The following ANKS1B variants were observed in gnomAD, a reference collection of about 807,000 sequenced individuals.
ANKS1B encodes the protein ankyrin repeat and sterile alpha motif domain containing 1B, also known as ankyrin repeat and sterile alpha motif domain-containing protein 1B.
In ANKS1B, 36 loss-of-function variants were observed where a neutral mutation model predicts 148.3. That is an observed-to-expected ratio of 0.24 (90% CI 0.19 to 0.32). The LOEUF is 0.32. Among genes scored for constraint, ANKS1B ranks in the 10% least tolerant of loss-of-function variants. The pLI is 1.00. For missense variants in ANKS1B, 1,157 were observed against 1,542.6 expected (o/e 0.75, Z 4.19); for synonymous variants, 542 against 560.8 (o/e 0.97, Z 0.47).
rs2097844726 is a variant in ANKS1B, at chr12:98,744,692, GTATT to G, written c.*1043_*1046del. On this transcript the variant is annotated 3_prime_UTR_variant, in exon 27 of 27. Coordinates refer to ENST00000683438, the MANE Select transcript of ANKS1B (RefSeq NM_001352186.2). ...TTGGAATTTCTTCTTTTTTTTTTTT[GTATT>G]TATTTTTTCTAGAAAAAGAAATTTT... 2.4e-6 allele frequency: 2 copies of G among 826,828 alleles called. No individual in the cohort carries two copies. Among genetic ancestry groups the G allele is most frequent in the African/African-American group, 4.4e-5 (2 of 45,242 alleles). The allele number at this position is 826,828 out of a possible 1,614,324, so 51.2% of individuals were successfully genotyped here. A position where few individuals can be genotyped will look rare whatever the true frequency, so the allele number is the denominator to read the frequency against.
At chr12:98,986,111 C>G (rs1259658082) in intron 17 of ANKS1B, among the ~76,000 whole-genome samples, 1 of 151,728 alleles carries the variant, frequency 6.6e-6, no homozygotes, top group East Asian at 1.9e-4. Context: ...TTTTGTTGTT[C>G]TGTGTATAAT....
At chr12:98,789,846 ATAT>A (rs1176091824) in intron 22 of ANKS1B, among the ~76,000 whole-genome samples, 3 of 152,204 alleles carry the variant, frequency 2.0e-5, no homozygotes, top group African/African-American at 7.2e-5. Flanking sequence ...ATTTCAAAAT[ATAT>A]TATTGTGTTT....
chr12:98,936,575 C>T (rs1011526002), intron 17 of ANKS1B, among the ~76,000 whole-genome samples: 2 of 151,900 alleles, frequency 1.3e-5, no homozygotes, highest in East Asian at 1.9e-4. Flanking sequence ...TGCAGTGAGC[C>T]GAGATCGCAC....
intron 9 of ANKS1B, among the ~76,000 whole-genome samples, chr12:99,530,121 G>C (rs572924151): frequency 6.6e-6 from 1 of 152,202 alleles, no homozygotes; most frequent in African/African-American, 2.4e-5. Flanking sequence ...AGAAAAGCTT[G>C]TCCAGATTTG....
intron 12 of ANKS1B, among the ~76,000 whole-genome samples, chr12:99,313,122 C>G (rs1422134074): frequency 6.6e-6 from 1 of 152,100 alleles, no homozygotes. Context: ...ATACAAGCTA[C>G]TATCAGAGAA....
chr12:99,774,365 C>G (rs1182908035), intron 7 of ANKS1B, among the ~76,000 whole-genome samples: 1 of 151,922 alleles, frequency 6.6e-6, no homozygotes, highest in Non-Finnish European at 1.5e-5. Context: ...ATAAATGACC[C>G]AAGGTATATG....
At chr12:99,402,290 T>A (rs1358655110) in intron 11 of ANKS1B, among the ~76,000 whole-genome samples, 2 of 146,120 alleles carry the variant, frequency 1.4e-5, no homozygotes, top group African/African-American at 5.2e-5. Context: ...CTAATTAGTT[T>A]TATGAGATGT....
chr12:99,072,208 G>A (rs2153590590), intron 16 of ANKS1B, among the ~76,000 whole-genome samples: 1 of 152,164 alleles, frequency 6.6e-6, no homozygotes, highest in South Asian at 2.1e-4. Context: ...GTCAGTAATT[G>A]AGTTCTTTTC....
intron 9 of ANKS1B, among the ~76,000 whole-genome samples, chr12:99,607,554 A>G (rs1054656232): frequency 6.6e-6 from 1 of 152,066 alleles, no homozygotes; most frequent in African/African-American, 2.4e-5. Context: ...ATAATCATAC[A>G]GAAAGAAGCA....
At chr12:99,869,610 G>C (rs1440119162) in intron 1 of ANKS1B, among the ~76,000 whole-genome samples, 1 of 151,958 alleles carries the variant, frequency 6.6e-6, no homozygotes, top group Admixed American at 6.6e-5. Context: ...GAACCCGAGA[G>C]GCAAAGGTTG....
intron 1 of ANKS1B, among the ~76,000 whole-genome samples, chr12:99,968,695 G>A (rs372812670): frequency 2.6e-5 from 4 of 152,260 alleles, no homozygotes; most frequent in South Asian, 2.1e-4. Context: ...ATCTCATACC[G>A]AAATGTGGTT....
intron 21 of ANKS1B, among the ~76,000 whole-genome samples, chr12:98,800,202 C>G (rs188274681): frequency 8.1e-5 from 8 of 98,408 alleles, no homozygotes; most frequent in Non-Finnish European, 1.6e-4. Flanking sequence ...AAAAGAGGGG[C>G]AGAAAGCAGA....
At chr12:99,598,698 C>T (rs563465935) in intron 9 of ANKS1B, among the ~76,000 whole-genome samples, 5 of 152,100 alleles carry the variant, frequency 3.3e-5, no homozygotes, top group Admixed American at 3.3e-4. Flanking sequence ...CAAGAATTTT[C>T]CAGACAGAGA....
rs1363278273 is a variant in ANKS1B, at chr12:99,426,332, T to A, written c.1575+17341A>T. On this transcript the variant is annotated intron_variant, in intron 11 of 26. Transcript: ENST00000683438. The stretch of plus-strand genomic sequence containing the variant: ...GTTTGTGTTGATATCTCTGTTTTTT[T>A]AAATGGAAATTAATAGAAGATATAA... Among the ~76,000 whole-genome samples, 4 of 152,182 alleles carry A rather than the reference T, an allele frequency of 2.6e-5. No homozygotes were observed. The East Asian group carries it at 5.8e-4, about 22-fold the overall frequency.
intron 19 of ANKS1B, among the ~76,000 whole-genome samples, chr12:98,828,636 G>T (rs1183280060): frequency 6.6e-6 from 1 of 152,196 alleles, no homozygotes; most frequent in African/African-American, 2.4e-5. Flanking sequence ...ACATGGAAAG[G>T]TCTGAACGTG....
intron 9 of ANKS1B, among the ~76,000 whole-genome samples, chr12:98,737,891 C>A (rs896919828): frequency 1.3e-5 from 2 of 152,206 alleles, no homozygotes; most frequent in African/African-American, 4.8e-5. Context: ...AATTTACTCA[C>A]TGAACTTTAA....
intron 12 of ANKS1B, among the ~76,000 whole-genome samples, chr12:99,359,439 G>T (rs1347993325): frequency 1.3e-5 from 2 of 151,986 alleles, no homozygotes; most frequent in Non-Finnish European, 2.9e-5. Context: ...TTTCTAAAAA[G>T]ATTGAAAGAA....
At chr12:99,693,030 G>C (rs2053351373) in intron 8 of ANKS1B, among the ~76,000 whole-genome samples, 1 of 152,174 alleles carries the variant, frequency 6.6e-6, no homozygotes. Flanking sequence ...AAGGTTTTCT[G>C]TGCCTAATCC....
At chr12:99,849,731 G>C (rs145610732) in intron 1 of ANKS1B, among the ~76,000 whole-genome samples, 326 of 152,148 alleles carry the variant, frequency 2.1e-3, no homozygotes, top group Admixed American at 4.1e-3. Context: ...AACAAAAGAA[G>C]TCATATAGAA....
Sources: gnomAD v4.1 joint callset for allele counts (sites outside exome capture counted in the v4.1 genomes callset) on GRCh38, gnomAD v4.1.1 for gene constraint, MANE v1.5 for transcripts, NCBI Gene and HGNC (gene_info 2026-07-23, HGNC 2026-07-21) for gene names.